The following HMX3 variants were observed in gnomAD, a reference collection of about 807,000 sequenced individuals.
HMX3 encodes the protein homeobox protein HMX3.
A neutral mutation model predicts 22.8 loss-of-function variants in HMX3; 8 were observed. The ratio of observed to expected loss-of-function variants is 0.35; its 90% CI spans 0.21 to 0.63. The LOEUF (loss-of-function observed/expected upper bound fraction) is 0.63. Among genes scored for constraint, HMX3 ranks in the 30% least tolerant of loss-of-function variants. The pLI is 0.72. For missense variants in HMX3, 527 were observed against 520.6 expected, an observed-to-expected ratio of 1.01 and a Z score of -0.12; for synonymous variants, 331 against 250.9, an observed-to-expected ratio of 1.32 and a Z score of -3.02.
chr10:123,137,307 A>G lies in HMX3; in HGVS notation c.650A>G (p.Glu217Gly), dbSNP rs774693341. Residue 217 changes from glutamate to glycine, a missense_variant, in exon 2 of 2, where the codon GAA becomes GGA. Transcript: ENST00000357878. This position sits in a 1 kb window ranked among gnomAD's most constrained non-coding sequence, Gnocchi z 5.8. ...GCAGAAGACTGGAAGAAGGGCGCTG[A>G]AAGTCCAGAGAAGAAGCCGGCGTGC... is the stretch of plus-strand genomic sequence containing the variant. Reference protein sequence around the residue: ...PGAEDWKKGAESPEKKPACRK... With the variant: ...PGAEDWKKGAGSPEKKPACRK... The G allele has an allele frequency of 1.0e-5, 16 of 1,606,926 alleles. 1 individual carries two copies. The highest frequency in any genetic ancestry group is 1.6e-4 in the Middle Eastern group (1 of 6,074).
chr10:123,137,292 G>T lies in HMX3; in HGVS notation c.635G>T (p.Trp212Leu). The T allele has an allele frequency of 6.2e-7, 1 of 1,602,340 alleles. No individual in the cohort carries two copies. Among genetic ancestry groups the T allele is most frequent in the East Asian group, 2.3e-5 (1 of 44,286 alleles). ...AAAATPGAED[W>L]KKGAESPEKK... is the part of the protein sequence containing the mutation. ...GCGGCCACTCCGGGCGCAGAAGACT[G>T]GAAGAAGGGCGCTGAAAGTCCAGAG... The change falls in exon 2 of 2, where the codon TGG becomes TTG. Residue 212 changes from tryptophan (W) to leucine (L), a missense_variant. By Grantham distance (61) the Trp-to-Leu change is moderately conservative. This residue lies in a region of HMX3 where 386 missense variants were observed against 337.8 expected (regional missense o/e 1.14). Transcript: ENST00000357878. This position sits in a 1 kb window ranked among gnomAD's most constrained non-coding sequence, Gnocchi z 5.8.
In HMX3 at chr10:123,136,743, A is replaced by G. The variant is rs1479117551; in HGVS notation, c.400+293A>G. Among the ~76,000 whole-genome samples, 2 of 151,978 alleles carry G rather than the reference A, an allele frequency of 1.3e-5. No homozygotes were observed. Among genetic ancestry groups the G allele is most frequent in the African/African-American group, 2.4e-5 (1 of 41,382 alleles). On this transcript the variant is annotated intron_variant, in intron 1 of 1. Coordinates refer to ENST00000357878, the MANE Select transcript of HMX3 (RefSeq NM_001105574.2). This position sits in a 1 kb window ranked among gnomAD's most constrained non-coding sequence, Gnocchi z 4.8. ...GCCGGGGCTTGGGACACGGCCTGGAAGGAGGGGGTGATTCCAATGCGCCTA... is the reference window on the plus strand; with the variant it reads ...GCCGGGGCTTGGGACACGGCCTGGAGGGAGGGGGTGATTCCAATGCGCCTA...
chr10:123,137,849 C>T lies in HMX3; in HGVS notation c.*118C>T. Reference sequence around the variant, plus strand: ...GCCTTCAGGAACTGGGGCTTGGGCGCGCAGCCTCTGCTTCCCCTCCCCCAG... The same window carrying T: ...GCCTTCAGGAACTGGGGCTTGGGCGTGCAGCCTCTGCTTCCCCTCCCCCAG... On this transcript the variant is annotated 3_prime_UTR_variant, in exon 2 of 2. Transcript: ENST00000357878. This position sits in a 1 kb window ranked among gnomAD's most constrained non-coding sequence, Gnocchi z 5.8. 2 of 671,412 alleles carry T rather than the reference C, an allele frequency of 3.0e-6. No individual in the cohort carries two copies. The highest frequency in any genetic ancestry group is 4.6e-6 in the Non-Finnish European group (2 of 436,490). The allele number at this position is 671,412 out of a possible 1,614,324, so 41.6% of individuals were successfully genotyped here. A position where few individuals can be genotyped will look rare whatever the true frequency, so the allele number is the denominator to read the frequency against.
In HMX3 at chr10:123,139,347, A is replaced by G. The variant is rs560962108; in HGVS notation, c.*1616A>G. ...TGAGTCCCTTTTTAAGAAAAAGAGA[A>G]AAAAAAAACCCACAAAATATTGTTA... On this transcript the variant is annotated 3_prime_UTR_variant, in exon 2 of 2. Coordinates refer to ENST00000357878, the MANE Select transcript of HMX3 (RefSeq NM_001105574.2). Among the ~76,000 whole-genome samples the G allele has an allele frequency of 1.1e-4, 17 of 150,936 alleles. No individual in the cohort carries two copies. In the East Asian group the frequency reaches 2.3e-3, roughly 21 times the overall value.
In HMX3 at chr10:123,137,352, C is replaced by T; in HGVS notation, c.695C>T (p.Thr232Ile). Reference sequence around the variant, plus strand: ...GCGTGCCGCAAGAAGAAGACGCGCACAGTCTTCTCGCGCAGCCAGGTCTTC... The same window carrying T: ...GCGTGCCGCAAGAAGAAGACGCGCATAGTCTTCTCGCGCAGCCAGGTCTTC... ...KPACRKKKTR[T>I]VFSRSQVFQL... Residue 232 changes from threonine to isoleucine, a missense_variant, in exon 2 of 2, where the codon ACA becomes ATA. Physicochemically the swap from Thr to Ile is moderately conservative, Grantham distance 89. Around this residue, in one of 3 missense-constraint regions of HMX3, gnomAD observed 41 missense variants for 80.6 expected, o/e 0.51. Transcript: ENST00000357878. The surrounding 1 kb of genome is among the most constrained non-coding windows in gnomAD (Gnocchi z 5.8). 1 of 1,613,074 alleles carries T rather than the reference C, an allele frequency of 6.2e-7. No individual in the cohort carries two copies. The highest frequency in any genetic ancestry group is 8.5e-7 in the Non-Finnish European group (1 of 1,179,836).
rs748362636 is a variant in HMX3 at position 123,136,417 on chromosome 10, A to G, written c.367A>G (p.Thr123Ala). Residue 123 changes from threonine (T) to alanine (A), a missense_variant, in exon 1 of 2, where the codon ACC (threonine) becomes GCC (alanine). Physicochemically the swap from Thr to Ala is moderately conservative, Grantham distance 58. This residue lies in a region of HMX3 where 386 missense variants were observed against 337.8 expected (regional missense o/e 1.14). Coordinates refer to ENST00000357878, the MANE Select transcript of HMX3 (RefSeq NM_001105574.2). This position sits in a 1 kb window ranked among gnomAD's most constrained non-coding sequence, Gnocchi z 4.8. ...SPAWWYPYTL[T>A]PAGGHLPRPE... is the part of the protein sequence containing the mutation. ...AGCCTGGTGGTACCCCTACACCCTG[A>G]CCCCCGCCGGCGGCCACCTCCCGCG... The G allele has an allele frequency of 1.3e-6, 2 of 1,489,696 alleles. No individual in the cohort carries two copies. Among genetic ancestry groups the G allele is most frequent in the African/African-American group, 3.0e-5 (2 of 67,700 alleles). 92.3% of individuals were successfully genotyped at this position (1,489,696 alleles called of 1,614,324 possible).
chr10:123,136,056 G>A lies in HMX3; in HGVS notation c.6G>A (p.Pro2=), dbSNP rs992971576. 5.0e-6 allele frequency: 7 copies of A among 1,387,120 alleles called. No homozygotes were observed. The highest frequency in any genetic ancestry group is 2.7e-4 in the Middle Eastern group (1 of 3,762). The allele number at this position is 1,387,120 out of a possible 1,614,324, so 85.9% of individuals were successfully genotyped here. A position where few individuals can be genotyped will look rare whatever the true frequency, so the allele number is the denominator to read the frequency against. M[P]EPGPDAAGTA... ...GACCCGGAGGAGAGGGGACCATGCC[G>A]GAACCCGGGCCGGACGCTGCCGGCA... Residue 2 remains proline, a synonymous_variant, in exon 1 of 2, where the codon CCG becomes CCA. Transcript: ENST00000357878. The surrounding 1 kb of genome is among the most constrained non-coding windows in gnomAD (Gnocchi z 4.8).
Position 123,136,913 on chromosome 10 carries a change from A to G in HMX3, c.401-145A>G, listed in dbSNP as rs1844082861. 1 of 944,350 alleles carries G rather than the reference A, an allele frequency of 1.1e-6. No homozygotes were observed. Among genetic ancestry groups the G allele is most frequent in the Non-Finnish European group, 1.5e-6 (1 of 658,582 alleles). The allele number at this position is 944,350 out of a possible 1,614,324, so 58.5% of individuals were successfully genotyped here. On this transcript the variant is annotated intron_variant, in intron 1 of 1. Transcript: ENST00000357878. The surrounding 1 kb of genome is among the most constrained non-coding windows in gnomAD (Gnocchi z 4.8). ...CGTCCCTTCTCTGGCCCAGCCGAGA[A>G]GGAGGCAGCCCGCGGGAATGGTGAG...
rs1220372743 is a variant in HMX3, at chr10:123,136,768, A to T, written c.401-290A>T. 2.0e-5 allele frequency among the ~76,000 whole-genome samples: 3 copies of T among 152,062 alleles called. No homozygotes were observed. The highest frequency in any genetic ancestry group is 2.9e-5 in the Non-Finnish European group (2 of 68,014). ...AGGAGGGGGTGATTCCAATGCGCCT[A>T]AGCCGAAAGGGAACCGTTCTGCCGG... On this transcript the variant is annotated intron_variant, in intron 1 of 1. Coordinates refer to ENST00000357878, the MANE Select transcript of HMX3 (RefSeq NM_001105574.2). This position sits in a 1 kb window ranked among gnomAD's most constrained non-coding sequence, Gnocchi z 4.8.
chr10:123,137,125 A>C lies in HMX3; in HGVS notation c.468A>C (p.Pro156=), dbSNP rs770983790. 13 of 1,610,268 alleles carry C rather than the reference A, an allele frequency of 8.1e-6. No homozygotes were observed. Among genetic ancestry groups the C allele is most frequent in the Non-Finnish European group, 1.1e-5 (13 of 1,178,728 alleles). ...ASGTDRDSPE[P]LLKADPDHKE... The stretch of plus-strand genomic sequence containing the variant: ...GCACAGACCGCGACTCTCCGGAGCC[A>C]CTGCTCAAGGCCGACCCCGATCACA... The change falls in exon 2 of 2, where the codon CCA becomes CCC. Residue 156 remains proline, a synonymous_variant. Coordinates refer to ENST00000357878, the MANE Select transcript of HMX3 (RefSeq NM_001105574.2). The surrounding 1 kb of genome is among the most constrained non-coding windows in gnomAD (Gnocchi z 5.8).
In HMX3 at chr10:123,139,290, T is replaced by C. The variant is rs1844113052; in HGVS notation, c.*1559T>C. Among the ~76,000 whole-genome samples the C allele has an allele frequency of 6.6e-6, 1 of 152,026 alleles. No individual in the cohort carries two copies. Among genetic ancestry groups the C allele is most frequent in the Non-Finnish European group, 1.5e-5 (1 of 68,008 alleles). On this transcript the variant is annotated 3_prime_UTR_variant, in exon 2 of 2. Coordinates refer to ENST00000357878, the MANE Select transcript of HMX3 (RefSeq NM_001105574.2). ...ACACCTGTTGTTCTGTGATAGTTTG[T>C]TTCCCCTCATCTCCCTCACCTCTGC...
rs919067422 is a variant in HMX3, at chr10:123,138,096, T to A, written c.*365T>A. Among the ~76,000 whole-genome samples, 1 of 151,584 alleles carries A rather than the reference T, an allele frequency of 6.6e-6. No individual in the cohort carries two copies. Among genetic ancestry groups the A allele is most frequent in the Non-Finnish European group, 1.5e-5 (1 of 67,956 alleles). ...CGGTGGCTTTTTGGTTTTATTTTTA[T>A]AGAAGGAAAATAAGCGCAAAACCTA... is the stretch of plus-strand genomic sequence containing the variant. On this transcript the variant is annotated 3_prime_UTR_variant, in exon 2 of 2. Transcript: ENST00000357878.
chr10:123,136,417 AC>A lies in HMX3; in HGVS notation c.372del (p.Ala125ProfsTer16). 5 of 1,489,784 alleles carry A rather than the reference AC, an allele frequency of 3.4e-6. No homozygotes were observed. Among genetic ancestry groups the A allele is most frequent in the Non-Finnish European group, 2.7e-6 (3 of 1,118,602 alleles). The allele number at this position is 1,489,784 out of a possible 1,614,324, so 92.3% of individuals were successfully genotyped here. A position where few individuals can be genotyped will look rare whatever the true frequency, so the allele number is the denominator to read the frequency against. ...AGCCTGGTGGTACCCCTACACCCTGACCCCCGCCGGCGGCCACCTCCCGCGA... is the reference window on the plus strand; with the variant it reads ...AGCCTGGTGGTACCCCTACACCCTGACCCCGCCGGCGGCCACCTCCCGCGA... ...SPAWWYPYTLTPAGGHLPRPE... is the reference protein window; with the variant it reads ...SPAWWYPYTLXPAGGHLPRPE... On this transcript the variant is annotated frameshift_variant, in exon 1 of 2. Coordinates refer to ENST00000357878, the MANE Select transcript of HMX3 (RefSeq NM_001105574.2). LOFTEE classifies it high-confidence loss of function. This position sits in a 1 kb window ranked among gnomAD's most constrained non-coding sequence, Gnocchi z 4.8.
Position 123,137,642 on chromosome 10 carries a change from C to A in HMX3, c.985C>A (p.Pro329Thr). The change falls in exon 2 of 2, where the codon CCA becomes ACA. Residue 329 changes from proline to threonine, a missense_variant. By Grantham distance (38) the Pro-to-Thr change is conservative. Around this residue, in one of 3 missense-constraint regions of HMX3, gnomAD observed 100 missense variants for 102.3 expected, o/e 0.98. Coordinates refer to ENST00000357878, the MANE Select transcript of HMX3 (RefSeq NM_001105574.2). The surrounding 1 kb of genome is among the most constrained non-coding windows in gnomAD (Gnocchi z 5.8). ...GGCTGCAGCCGCGGGGGCCCCGGTG[C>A]CAGTCAGCCAGCCGCTGCTCACCTT... ...AAAAAAGAPV[P>T]VSQPLLTFPH... 1 of 1,515,654 alleles carries A rather than the reference C, an allele frequency of 6.6e-7. No homozygotes were observed. 93.9% of individuals were successfully genotyped at this position (1,515,654 alleles called of 1,614,324 possible).
chr10:123,138,824 A>G lies in HMX3; in HGVS notation c.*1093A>G, dbSNP rs1373319972. Among the ~76,000 whole-genome samples the G allele has an allele frequency of 1.3e-5, 2 of 152,232 alleles. No homozygotes were observed. The highest frequency in any genetic ancestry group is 2.9e-5 in the Non-Finnish European group (2 of 68,034). ...ATTTTGAGAATTTCATTTGTAAATTATTATTAATATTACTATTATTACTTT... is the reference window on the plus strand; with the variant it reads ...ATTTTGAGAATTTCATTTGTAAATTGTTATTAATATTACTATTATTACTTT... On this transcript the variant is annotated 3_prime_UTR_variant, in exon 2 of 2. Transcript: ENST00000357878.
Position 123,136,095 on chromosome 10 carries a change from G to A in HMX3, c.45G>A (p.Gln15=). The A allele has an allele frequency of 1.4e-6, 2 of 1,396,814 alleles. No individual in the cohort carries two copies. The highest frequency in any genetic ancestry group is 3.1e-5 in the East Asian group (1 of 32,750). 86.5% of individuals were successfully genotyped at this position (1,396,814 alleles called of 1,614,324 possible). A position where few individuals can be genotyped will look rare whatever the true frequency, so the allele number is the denominator to read the frequency against. The change falls in exon 1 of 2, where the codon CAG becomes CAA. Residue 15 remains glutamine, a synonymous_variant. Coordinates refer to ENST00000357878, the MANE Select transcript of HMX3 (RefSeq NM_001105574.2). This position sits in a 1 kb window ranked among gnomAD's most constrained non-coding sequence, Gnocchi z 4.8. The part of the protein sequence containing the change: ...GPDAAGTASA[Q]PQPPPPPPPA... ...ACGCTGCCGGCACCGCCAGCGCACA[G>A]CCCCAACCGCCGCCGCCCCCCCCAC...
In HMX3 at chr10:123,137,686, C is replaced by G; in HGVS notation, c.1029C>G (p.Tyr343Ter). The G allele has an allele frequency of 6.8e-7, 1 of 1,475,636 alleles. No individual in the cohort carries two copies. The highest frequency in any genetic ancestry group is 8.9e-7 in the Non-Finnish European group (1 of 1,120,826). 91.4% of individuals were successfully genotyped at this position (1,475,636 alleles called of 1,614,324 possible). The part of the protein sequence containing the change: ...PLLTFPHPVY[Y>*]SHPVVSSVPL... ...TCACCTTCCCGCACCCCGTCTACTA[C>G]TCGCACCCGGTGGTCTCTTCCGTGC... Residue 343 changes from tyrosine to a stop codon, truncating the protein, a stop_gained, in exon 2 of 2, where the codon TAC becomes TAG. Transcript: ENST00000357878. LOFTEE classifies it high-confidence loss of function. This position sits in a 1 kb window ranked among gnomAD's most constrained non-coding sequence, Gnocchi z 5.8.
At position 123,136,273 on chromosome 10, in the gene HMX3, G is replaced by A. The variant is rs576562691; in HGVS notation, c.223G>A (p.Gly75Arg). The A allele has an allele frequency of 1.4e-6, 2 of 1,427,486 alleles. No individual in the cohort carries two copies. Among genetic ancestry groups the A allele is most frequent in the South Asian group, 3.1e-5 (2 of 63,730 alleles). 88.4% of individuals were successfully genotyped at this position (1,427,486 alleles called of 1,614,324 possible). Residue 75 changes from glycine to arginine, a missense_variant, in exon 1 of 2, where the codon GGG becomes AGG. Gly to Arg is a moderately radical substitution (Grantham distance 125). Transcript: ENST00000357878. This position sits in a 1 kb window ranked among gnomAD's most constrained non-coding sequence, Gnocchi z 4.8. ...AAAAAAAAAKGALEGAAGFAL... is the reference protein window; with the variant it reads ...AAAAAAAAAKRALEGAAGFAL... ...CGCTGCCGCTGCCGCGGCGGCCAAG[G>A]GGGCCCTGGAGGGCGCCGCGGGCTT...
In HMX3 at chr10:123,136,643, A is replaced by T. The variant is rs1426291411; in HGVS notation, c.400+193A>T. 6.6e-6 allele frequency among the ~76,000 whole-genome samples: 1 copy of T among 152,058 alleles called. No individual in the cohort carries two copies. The highest frequency in any genetic ancestry group is 1.5e-5 in the Non-Finnish European group (1 of 67,992). ...ATCCAATCCCACTTGGTGAGAAAAG[A>T]AGTGGAATTGGAGCCCCGGGCACGG... On this transcript the variant is annotated intron_variant, in intron 1 of 1. Transcript: ENST00000357878. This position sits in a 1 kb window ranked among gnomAD's most constrained non-coding sequence, Gnocchi z 4.8.
Sources: allele counts gnomAD v4.1 joint callset (sites outside exome capture counted in the v4.1 genomes callset), GRCh38; gene constraint gnomAD v4.1.1; regional missense constraint gnomAD v4.1.1; non-coding constraint Gnocchi (gnomAD v3.1); transcripts MANE v1.5; gene names NCBI Gene and HGNC (gene_info 2026-07-23, HGNC 2026-07-21).